The following AQP8 variants were observed in gnomAD, a reference collection of about 807,000 sequenced individuals.
AQP8 encodes aquaporin 8, also known as aquaporin-8.
In AQP8, 14 loss-of-function variants were observed where a neutral mutation model predicts 26.1. That is an observed-to-expected ratio of 0.54 (90% confidence interval 0.35 to 0.84). AQP8 has a LOEUF of 0.84. Ranked by LOEUF, AQP8 falls within the 40% of genes least tolerant of loss-of-function variation. The pLI is 0.01. For missense variants in AQP8, 301 were observed against 340.5 expected, an observed-to-expected ratio of 0.88 and a Z score of 0.91; for synonymous variants, 131 against 150.7, an observed-to-expected ratio of 0.87 and a Z score of 0.96.
intron 4 of AQP8, among the ~76,000 whole-genome samples, chr16:25,225,486 T>A (rs75148064): frequency 1.0e-3 from 152 of 150,186 alleles, no homozygotes; most frequent in African/African-American, 1.1e-3. Flanking sequence ...TTTTTTTTTT[T>A]AGCTCCGCTT....
At chr16:25,223,380 A>G (rs1287271599) in intron 3 of AQP8, among the ~76,000 whole-genome samples, 1 of 152,258 alleles carries the variant, frequency 6.6e-6, no homozygotes, top group Non-Finnish European at 1.5e-5. Flanking sequence ...TCACCTGATC[A>G]TATGTGTTTG....
chr16:25,219,906 A>G lies in AQP8; in HGVS notation c.261-1551A>G, dbSNP rs567508899. 8.0e-3 allele frequency among the ~76,000 whole-genome samples: 1,224 copies of G among 152,232 alleles called. 7 individuals carry two copies. The highest frequency in any genetic ancestry group is 0.011 in the Non-Finnish European group (759 of 67,996). On this transcript the variant is annotated intron_variant, in intron 2 of 5. Transcript: ENST00000219660. ...ACAAAAATTAGCCGGGCGTGGTGGC[A>G]GCCCCGTTATCCCATCTACTTGGGA...
rs1287363014 is a variant in AQP8 at position 25,217,410 on chromosome 16, T to C, written c.225T>C (p.Ala75=). The change falls in exon 2 of 6, where the codon GCT becomes GCC. Residue 75 remains alanine (A), a synonymous_variant. Coordinates refer to ENST00000219660, the MANE Select transcript of AQP8 (RefSeq NM_001169.3). ...AGCCGGCCCTGGCCCACGGGCTGGCTTTGGGGCTCGTGATTGCCACGCTGG... is the reference window on the plus strand; with the variant it reads ...AGCCGGCCCTGGCCCACGGGCTGGCCTTGGGGCTCGTGATTGCCACGCTGG... ...LLQPALAHGL[A]LGLVIATLGN... 1 of 1,614,030 alleles carries C rather than the reference T, an allele frequency of 6.2e-7. No homozygotes were observed. Among genetic ancestry groups the C allele is most frequent in the African/African-American group, 1.3e-5 (1 of 74,918 alleles).
At chr16:25,221,044 C>A (rs1207502636) in intron 2 of AQP8, among the ~76,000 whole-genome samples, 1 of 152,182 alleles carries the variant, frequency 6.6e-6, no homozygotes, top group African/African-American at 2.4e-5. Context: ...GAGCAAGACT[C>A]CGTCTCGTAA....
At chr16:25,220,726 G>A (rs1962550511) in intron 2 of AQP8, among the ~76,000 whole-genome samples, 1 of 152,172 alleles carries the variant, frequency 6.6e-6, no homozygotes, top group South Asian at 2.1e-4. Context: ...CAACCAATCA[G>A]GAGGTCTTAT....
chr16:25,227,677 G>A (rs1359118131), intron 5 of AQP8, among the ~76,000 whole-genome samples: 4 of 152,050 alleles, frequency 2.6e-5, no homozygotes, highest in South Asian at 2.1e-4. Context: ...TAGTAGAGTC[G>A]GGTTTTCACC....
intron 2 of AQP8, among the ~76,000 whole-genome samples, chr16:25,218,222 C>G (rs1962513418): frequency 6.6e-6 from 1 of 152,168 alleles, no homozygotes; most frequent in African/African-American, 2.4e-5. Context: ...GTTATTGTTA[C>G]CACTAGAAGG....
Position 25,226,463 on chromosome 16 carries a change from G to A in AQP8, c.603-605G>A, listed in dbSNP as rs9933740. ...ATACAGACAGGGTTTCACCATGTTGGCCAGGCTGGTCTCTAACTCCTGACC... is the reference window on the plus strand; with the variant it reads ...ATACAGACAGGGTTTCACCATGTTGACCAGGCTGGTCTCTAACTCCTGACC... On this transcript the variant is annotated intron_variant, in intron 4 of 5. Coordinates refer to ENST00000219660, the MANE Select transcript of AQP8 (RefSeq NM_001169.3). Among the ~76,000 whole-genome samples the A allele has an allele frequency of 1.1e-3, 172 of 152,244 alleles. 1 individual carries two copies. Among genetic ancestry groups the A allele is most frequent in the African/African-American group, 4.1e-3 (169 of 41,532 alleles).
intron 2 of AQP8, among the ~76,000 whole-genome samples, chr16:25,217,771 T>C (rs950968799): frequency 1.3e-5 from 2 of 152,208 alleles, no homozygotes; most frequent in Admixed American, 1.3e-4. Flanking sequence ...CAAGCGATCC[T>C]CCTGCCTTGG....
In AQP8 at chr16:25,224,467, AC is replaced by A; in HGVS notation, c.494del (p.Thr165ArgfsTer45). The A allele has an allele frequency of 6.2e-7, 1 of 1,614,096 alleles. No individual in the cohort carries two copies. Among genetic ancestry groups the A allele is most frequent in the Non-Finnish European group, 8.5e-7 (1 of 1,180,026 alleles). ...AGALVAEIIL[T>X]TLLALAVCMG... The stretch of plus-strand genomic sequence containing the variant: ...GGCGTTGGTGGCAGAGATCATCCTG[AC>A]GACGCTGCTGGCCCTGGCTGTATGC... On this transcript the variant is annotated frameshift_variant, in exon 4 of 6. Coordinates refer to ENST00000219660, the MANE Select transcript of AQP8 (RefSeq NM_001169.3). LOFTEE classifies it high-confidence loss of function.
intron 2 of AQP8, among the ~76,000 whole-genome samples, chr16:25,221,168 G>A (rs963024653): frequency 6.6e-6 from 1 of 151,768 alleles, no homozygotes; most frequent in African/African-American, 2.4e-5. Flanking sequence ...AGGGAGGCTT[G>A]GAGGGAGTCA....
intron 2 of AQP8, among the ~76,000 whole-genome samples, chr16:25,219,181 G>T (rs923873877): frequency 1.3e-5 from 2 of 151,502 alleles, no homozygotes; most frequent in African/African-American, 4.9e-5. Context: ...ATCAGGCAGA[G>T]ATCATTGAGG....
intron 2 of AQP8, among the ~76,000 whole-genome samples, chr16:25,220,016 C>A (rs1248371212): frequency 6.7e-6 from 1 of 149,598 alleles, no homozygotes; most frequent in Non-Finnish European, 1.5e-5. Flanking sequence ...GCCTGGGTGA[C>A]AAAGGGAGAC....
chr16:25,221,507 G>A lies in AQP8; in HGVS notation c.311G>A (p.Gly104Asp), dbSNP rs1213933966. ...AVSLAAMLIG[G>D]LNLVMLLPYW... is the part of the protein sequence containing the mutation. ...TCCCTGGCAGCCATGCTGATCGGAG[G>A]CCTCAACCTGGTGATGCTCCTCCCG... Residue 104 changes from glycine to aspartate, a missense_variant, in exon 3 of 6, where the codon GGC becomes GAC. Coordinates refer to ENST00000219660, the MANE Select transcript of AQP8 (RefSeq NM_001169.3). The A allele has an allele frequency of 4.3e-6, 7 of 1,614,098 alleles. No homozygotes were observed. Among genetic ancestry groups the A allele is most frequent in the Non-Finnish European group, 5.9e-6 (7 of 1,180,016 alleles).
In AQP8 at chr16:25,224,534, C is replaced by T. The variant is rs776008376; in HGVS notation, c.560C>T (p.Pro187Leu). 8.1e-6 allele frequency: 13 copies of T among 1,613,440 alleles called. No individual in the cohort carries two copies. The highest frequency in any genetic ancestry group is 5.0e-5 in the Admixed American group (3 of 60,014). The change falls in exon 4 of 6, where the codon CCG becomes CTG. Residue 187 changes from proline (P) to leucine (L), a missense_variant. Physicochemically the swap from Pro to Leu is moderately conservative, Grantham distance 98. Coordinates refer to ENST00000219660, the MANE Select transcript of AQP8 (RefSeq NM_001169.3). ...GAGAAGACAAAGGGCCCTCTGGCCC[C>T]GTTCTCCATCGGCTTTGCCGTCACC... ...INEKTKGPLA[P>L]FSIGFAVTVD...
chr16:25,226,249 T>C (rs1962631454), intron 4 of AQP8, among the ~76,000 whole-genome samples: 1 of 151,320 alleles, frequency 6.6e-6, no homozygotes, highest in African/African-American at 2.4e-5. Flanking sequence ...TCTTCGTTAT[T>C]TTATTTTATT....
chr16:25,221,349 C>T (rs2141340995), intron 2 of AQP8, 108 bp from the exon 3 acceptor site: 1 of 1,419,658 alleles, frequency 7.0e-7, no homozygotes, highest in South Asian at 1.3e-5. Context: ...CGGACTGACT[C>T]TTGCCCTGAG....
At position 25,224,329 on chromosome 16, in the gene AQP8, C is replaced by T. The variant is rs765946779; in HGVS notation, c.388-33C>T. Reference sequence around the variant, plus strand: ...CCTCAGTTTCCAGCTGTCTCTCTGCCCCACTGTGAGGCTCAGCAGCTTCTC... The same window carrying T: ...CCTCAGTTTCCAGCTGTCTCTCTGCTCCACTGTGAGGCTCAGCAGCTTCTC... On this transcript the variant is annotated intron_variant, in intron 3 of 5. Coordinates refer to ENST00000219660, the MANE Select transcript of AQP8 (RefSeq NM_001169.3). The T allele has an allele frequency of 7.4e-5, 117 of 1,583,318 alleles. No individual in the cohort carries two copies. The East Asian group carries it at 1.4e-3, about 18-fold the overall frequency.
At chr16:25,220,903 A>C (rs1454401489) in intron 2 of AQP8, among the ~76,000 whole-genome samples, 1 of 152,052 alleles carries the variant, frequency 6.6e-6, no homozygotes, top group Non-Finnish European at 1.5e-5. Context: ...ATACAAAAAT[A>C]AGCCAGGCGT....
Sources: gnomAD v4.1 joint callset for allele counts (sites outside exome capture counted in the v4.1 genomes callset) on GRCh38, gnomAD v4.1.1 for gene constraint, MANE v1.5 for transcripts, NCBI Gene and HGNC (gene_info 2026-07-23, HGNC 2026-07-21) for gene names.